MCF2L2: variants seen among roughly 807,000 people sequenced by gnomAD.
MCF2L2 encodes the protein probable guanine nucleotide exchange factor MCF2L2.
MCF2L2 carries 102 observed loss-of-function variants against 150.2 expected under a neutral mutation model. The ratio of observed to expected loss-of-function variants is 0.68; its 90% CI spans 0.58 to 0.80. The LOEUF (loss-of-function observed/expected upper bound fraction) is 0.80, where lower values mean the gene tolerates loss of function less well. MCF2L2 is among the 30% of genes least tolerant of loss of function. The pLI is 0.00. For synonymous variants in MCF2L2, 465 were observed against 491.3 expected, an observed-to-expected ratio of 0.95 and a Z score of 0.71; for missense variants, 1,256 against 1,372.8, an observed-to-expected ratio of 0.91 and a Z score of 1.34.
intron 3 of MCF2L2, among the ~76,000 whole-genome samples, chr3:183,370,360 C>G (rs895442981): frequency 6.6e-6 from 1 of 152,220 alleles, no homozygotes; most frequent in African/African-American, 2.4e-5. Context: ...GAGCAATGCC[C>G]GGGTGGGGCA....
At chr3:183,186,667 C>T (rs1721706189) in intron 27 of MCF2L2, among the ~76,000 whole-genome samples, 1 of 152,224 alleles carries the variant, frequency 6.6e-6, no homozygotes, top group African/African-American at 2.4e-5. Flanking sequence ...GTGGAGGTTG[C>T]AGTGAGCCAA....
chr3:183,307,189 G>A (rs1214415592), intron 10 of MCF2L2, among the ~76,000 whole-genome samples: 3 of 152,228 alleles, frequency 2.0e-5, no homozygotes, highest in Non-Finnish European at 4.4e-5. Context: ...GCTGTGCTGG[G>A]AGGGAGCTGG....
In MCF2L2 at chr3:183,222,641, A is replaced by G. The variant is rs1187287723; in HGVS notation, c.2301+705T>C. 3.3e-5 allele frequency among the ~76,000 whole-genome samples: 5 copies of G among 152,144 alleles called. No individual in the cohort carries two copies. In the South Asian group the frequency reaches 6.2e-4, roughly 19 times the overall value. On this transcript the variant is annotated intron_variant, in intron 20 of 29. Transcript: ENST00000328913. The stretch of plus-strand genomic sequence containing the variant: ...GTTTTTGTTTTTGTTTTTGTTTTTT[A>G]TTAAGAAATAGTGGCCACTGGGCAA...
rs191585219 is a variant in MCF2L2 at position 183,179,280 on chromosome 3, G to A, written c.*100C>T. 1,903 of 1,341,910 alleles carry A rather than the reference G, an allele frequency of 1.4e-3. 22 individuals carry two copies. In the African/African-American group the frequency reaches 0.026, roughly 18 times the overall value. 83.1% of individuals were successfully genotyped at this position (1,341,910 alleles called of 1,614,324 possible). ...CCTTTCTGCCGCCGCCGAGGCTCCG[G>A]CTGCTTTCTGCGTAGCTGGGCAGGG... On this transcript the variant is annotated 3_prime_UTR_variant, in exon 30 of 30. Coordinates refer to ENST00000328913, the MANE Select transcript of MCF2L2 (RefSeq NM_015078.4). This position sits in a 1 kb window ranked among gnomAD's most constrained non-coding sequence, Gnocchi z 4.2.
intron 15 of MCF2L2, among the ~76,000 whole-genome samples, chr3:183,275,168 C>T (rs1466031340): frequency 1.3e-5 from 2 of 152,132 alleles, no homozygotes; most frequent in East Asian, 3.8e-4. Flanking sequence ...CATATATTAT[C>T]GTACTACCTA....
At chr3:183,295,810 T>C (rs1304071502) in intron 12 of MCF2L2, among the ~76,000 whole-genome samples, 1 of 151,980 alleles carries the variant, frequency 6.6e-6, no homozygotes, top group African/African-American at 2.4e-5. Context: ...ATACAAAAAT[T>C]AGCCGGGTGT....
At chr3:183,401,550 T>C (rs1714757516) in intron 1 of MCF2L2, among the ~76,000 whole-genome samples, 1 of 152,246 alleles carries the variant, frequency 6.6e-6, no homozygotes, top group East Asian at 1.9e-4. Context: ...TCTTTCAAGA[T>C]GCAGAACATT....
Position 183,207,626 on chromosome 3 carries a change from G to A in MCF2L2, c.2694C>T (p.Ser898=), listed in dbSNP as rs1000360741. ...PGDQGLSPHY[S]FKKTMKLMTL... ...CCTTTACCTTCATGGTCTTCTTGAA[G>A]CTGTAATGAGGAGATAATCCCTGGT... The change falls in exon 23 of 30, where the codon AGC becomes AGT. Residue 898 remains serine, a synonymous_variant. Transcript: ENST00000328913. 21 of 1,613,700 alleles carry A rather than the reference G, an allele frequency of 1.3e-5. No homozygotes were observed. In the African/African-American group the frequency reaches 2.5e-4, roughly 19 times the overall value.
chr3:183,245,718 A>T (rs1268531096), intron 15 of MCF2L2, among the ~76,000 whole-genome samples: 3 of 152,184 alleles, frequency 2.0e-5, no homozygotes, highest in Non-Finnish European at 4.4e-5. Context: ...ATAAATTCCT[A>T]GAACTGTTAA....
intron 23 of MCF2L2, among the ~76,000 whole-genome samples, chr3:183,207,110 G>T (rs1722521650): frequency 6.6e-6 from 1 of 152,096 alleles, no homozygotes; most frequent in Admixed American, 6.6e-5. Context: ...CCTGTATGTG[G>T]GTGTGTGTGT....
intron 1 of MCF2L2, among the ~76,000 whole-genome samples, chr3:183,417,115 CAAAAAAAAAAA>C (rs74989072): frequency 9.5e-4 from 42 of 44,242 alleles, no homozygotes; most frequent in African/African-American, 2.7e-3. Context: ...GACTCTGTCT[CAAAAAAAAAAA>C]AAAAAAAAAA....
At chr3:183,406,149 T>C (rs1715028141) in intron 1 of MCF2L2, among the ~76,000 whole-genome samples, 1 of 152,248 alleles carries the variant, frequency 6.6e-6, no homozygotes, top group South Asian at 2.1e-4. Context: ...TGTTTAACTT[T>C]ATAAGACACT....
At chr3:183,311,055 T>G (rs41488945) in intron 8 of MCF2L2, 26 bp from the exon 9 acceptor site, 39,866 of 1,448,658 alleles carry the variant, frequency 0.028, 1,929 homozygotes, top group African/African-American at 0.15. Flanking sequence ...GAGAAAGTGA[T>G]GTTAGGTTAG....
chr3:183,309,772 C>A lies in MCF2L2; in HGVS notation c.1057G>T (p.Val353Leu). The A allele has an allele frequency of 1.2e-6, 2 of 1,613,970 alleles. No individual in the cohort carries two copies. The highest frequency in any genetic ancestry group is 1.7e-6 in the Non-Finnish European group (2 of 1,179,972). ...TTAAGAATCTGCTCCACGTGCATCA[C>A]GCTGTCTCCAATGCCTGTAAACTCT... ...QAEFTGIGDS[V>L]MHVEQILKEH... The change falls in exon 10 of 30, where the codon GTG becomes TTG. Residue 353 changes from valine to leucine, a missense_variant. Coordinates refer to ENST00000328913, the MANE Select transcript of MCF2L2 (RefSeq NM_015078.4).
Position 183,193,079 on chromosome 3 carries a change from C to T in MCF2L2, c.2936G>A (p.Gly979Glu). 1.2e-6 allele frequency: 2 copies of T among 1,614,016 alleles called. No homozygotes were observed. Among genetic ancestry groups the T allele is most frequent in the Non-Finnish European group, 1.7e-6 (2 of 1,179,930 alleles). The change falls in exon 27 of 30, where the codon GGA (glycine) becomes GAA (glutamate). Residue 979 changes from glycine (G) to glutamate (E), a missense_variant. Coordinates refer to ENST00000328913, the MANE Select transcript of MCF2L2 (RefSeq NM_015078.4). ...CATATTTTTAATCCATGGTCCGGATCCTGCTCCACTGCCTTTGCTTTAGAG... is the reference window on the plus strand; with the variant it reads ...CATATTTTTAATCCATGGTCCGGATTCTGCTCCACTGCCTTTGCTTTAGAG... Reference protein sequence around the residue: ...EMSTSKGSGAGSGPWIKNMER... With the variant: ...EMSTSKGSGAESGPWIKNMER...
intron 27 of MCF2L2, among the ~76,000 whole-genome samples, chr3:183,191,267 A>G (rs1413365197): frequency 3.5e-4 from 13 of 36,654 alleles, no homozygotes; most frequent in Admixed American, 2.7e-3. Flanking sequence ...TCACACATGC[A>G]TGGCCTCCCT....
intron 15 of MCF2L2, among the ~76,000 whole-genome samples, chr3:183,259,121 TAAC>T (rs1337887273): frequency 1.3e-5 from 2 of 152,242 alleles, no homozygotes; most frequent in African/African-American, 4.8e-5. Flanking sequence ...GGGTTTCTAA[TAAC>T]AGATTTGTGG....
chr3:183,289,232 T>C lies in MCF2L2; in HGVS notation c.1676-12A>G. On this transcript the variant is annotated splice_polypyrimidine_tract_variant and intron_variant, in intron 13 of 29. Transcript: ENST00000328913. ...ACGAGCTAGAGGGACTAAGAGAACC[T>C]GCCATTAGTGTGGTTATTTAACTTA... 1 of 1,547,952 alleles carries C rather than the reference T, an allele frequency of 6.5e-7. No individual in the cohort carries two copies. Among genetic ancestry groups the C allele is most frequent in the Non-Finnish European group, 8.9e-7 (1 of 1,120,690 alleles).
intron 15 of MCF2L2, among the ~76,000 whole-genome samples, chr3:183,261,970 A>G (rs1343627025): frequency 1.4e-5 from 2 of 146,596 alleles, no homozygotes; most frequent in Non-Finnish European, 3.0e-5. Flanking sequence ...TTAAAAAAAA[A>G]AAAAAAAGAA....
Sources: allele counts gnomAD v4.1 joint callset (sites outside exome capture counted in the v4.1 genomes callset), GRCh38; gene constraint gnomAD v4.1.1; non-coding constraint Gnocchi (gnomAD v3.1); transcripts MANE v1.5; gene names NCBI Gene and HGNC (gene_info 2026-07-23, HGNC 2026-07-21).